The following EBF4 variants were observed in gnomAD, a reference collection of about 807,000 sequenced individuals.
The protein encoded by EBF4 is EBF transcription factor 4.
A neutral mutation model predicts 67.1 loss-of-function variants in EBF4; 34 were observed. The observed-to-expected ratio is 0.51, with a 90% CI of 0.39 to 0.67. The LOEUF (loss-of-function observed/expected upper bound fraction) is 0.67. Among genes scored for constraint, EBF4 ranks in the 30% least tolerant of loss-of-function variants. EBF4 has a pLI of 0.00. For synonymous variants in EBF4, 387 were observed against 377.7 expected (o/e 1.02, Z -0.29); for missense variants, 837 against 873.3 (o/e 0.96, Z 0.52).
intron 1 of EBF4, among the ~76,000 whole-genome samples, chr20:2,703,809 G>A (rs1474170679): frequency 1.3e-5 from 2 of 152,190 alleles, no homozygotes; most frequent in Non-Finnish European, 2.9e-5. Context: ...TAAGGGAGCA[G>A]ACTAGCCTGG....
At chr20:2,709,551 C>G in intron 5 of EBF4, 23 bp from the exon 6 acceptor site, 1 of 1,543,500 alleles carries the variant, frequency 6.5e-7, no homozygotes, top group South Asian at 1.2e-5. Flanking sequence ...TCTGCCTTCC[C>G]TCCTTCCTCA....
chr20:2,721,977 A>G (rs1332199752), intron 6 of EBF4, among the ~76,000 whole-genome samples: 1 of 151,926 alleles, frequency 6.6e-6, no homozygotes, highest in Non-Finnish European at 1.5e-5. Context: ...ATATTTTTGT[A>G]TTTCTGTAAA....
At chr20:2,744,020 G>T (rs2088007842) in intron 6 of EBF4, among the ~76,000 whole-genome samples, 2 of 151,676 alleles carry the variant, frequency 1.3e-5, no homozygotes, top group African/African-American at 2.4e-5. Context: ...ACCCTTCCCA[G>T]TCTTTATTAT....
chr20:2,755,754 C>T lies in EBF4; in HGVS notation c.1668C>T (p.Phe556=), dbSNP rs775128339. The T allele has an allele frequency of 1.7e-5, 26 of 1,550,772 alleles. No homozygotes were observed. Among genetic ancestry groups the T allele is most frequent in the African/African-American group, 4.1e-5 (3 of 73,128 alleles). The change falls in exon 15 of 17, where the codon TTC becomes TTT. Residue 556 remains phenylalanine, a synonymous_variant. Transcript: ENST00000609451. This position sits in a 1 kb window ranked among gnomAD's most constrained non-coding sequence, Gnocchi z 4.7. The stretch of plus-strand genomic sequence containing the variant: ...CCGCCGTCAAACAGAGGAGCGCCTT[C>T]GCCCCCGTGCTGCGCCCCCCAAGCT...
intron 6 of EBF4, among the ~76,000 whole-genome samples, chr20:2,731,641 C>T (rs1198825900): frequency 4.6e-5 from 7 of 152,202 alleles, no homozygotes; most frequent in Admixed American, 4.6e-4. Flanking sequence ...GCATTCTCTG[C>T]TGCGGACATC....
At position 2,756,495 on chromosome 20, in the gene EBF4, G is replaced by T. The variant is rs2088245469; in HGVS notation, c.1738+671G>T. Among the ~76,000 whole-genome samples the T allele has an allele frequency of 6.6e-6, 1 of 152,238 alleles. No homozygotes were observed. Among genetic ancestry groups the T allele is most frequent in the Non-Finnish European group, 1.5e-5 (1 of 68,038 alleles). ...GGAGGAGGCAACAGGATGTGGGTGG[G>T]GCAGAACAGGTCCTTGTTGATGGGG... is the stretch of plus-strand genomic sequence containing the variant. On this transcript the variant is annotated intron_variant, in intron 15 of 16. Transcript: ENST00000609451. This position sits in a 1 kb window ranked among gnomAD's most constrained non-coding sequence, Gnocchi z 4.5.
rs144649288 is a variant in EBF4 at position 2,729,644 on chromosome 20, C to T, written c.558-18905C>T. On this transcript the variant is annotated intron_variant, in intron 6 of 16. Coordinates refer to ENST00000609451, the Ensembl canonical transcript of EBF4. ...TTTCACCCTAGAGAGAGATGATGAGCTCAAGGACAGTCTATGACCGGGTAG... is the reference window on the plus strand; with the variant it reads ...TTTCACCCTAGAGAGAGATGATGAGTTCAAGGACAGTCTATGACCGGGTAG... 4.4e-3 allele frequency among the ~76,000 whole-genome samples: 668 copies of T among 152,252 alleles called. 6 individuals are homozygous for T. The highest frequency in any genetic ancestry group is 0.017 in the Middle Eastern group (5 of 294).
At chr20:2,708,308 A>G (rs2087488670) in intron 5 of EBF4, among the ~76,000 whole-genome samples, 2 of 152,208 alleles carry the variant, frequency 1.3e-5, no homozygotes, top group African/African-American at 4.8e-5. Flanking sequence ...AATAAAGCTC[A>G]GGGGAGGGCT....
At chr20:2,748,417 G>A (rs1309587252) in intron 6 of EBF4, 132 bp from the exon 7 acceptor site, 6 of 795,932 alleles carry the variant, frequency 7.5e-6, no homozygotes, top group East Asian at 5.4e-5. Flanking sequence ...ATGGGAATAT[G>A]GGATGTGTGC....
At chr20:2,728,826 C>T (rs1037967976) in intron 6 of EBF4, among the ~76,000 whole-genome samples, 1 of 151,800 alleles carries the variant, frequency 6.6e-6, no homozygotes, top group Non-Finnish European at 1.5e-5. Flanking sequence ...GTCCTGGAAA[C>T]CTTTAGCTAA....
At chr20:2,723,338 A>AT (rs377723601) in intron 6 of EBF4, among the ~76,000 whole-genome samples, 1,615 of 147,488 alleles carry the variant, frequency 0.011, 27 homozygotes, top group African/African-American at 0.039. Context: ...TTTGTCTTTT[A>AT]TTTATTTTTA....
chr20:2,703,732 C>T (rs530669289), intron 1 of EBF4, among the ~76,000 whole-genome samples: 3 of 147,000 alleles, frequency 2.0e-5, no homozygotes, highest in Non-Finnish European at 4.5e-5. Context: ...AAAAAAAAAC[C>T]GACTCCAAAA....
At position 2,719,344 on chromosome 20, in the gene EBF4, G is replaced by A. The variant is rs533482128; in HGVS notation, c.557+9702G>A. Among the ~76,000 whole-genome samples, 7 of 152,214 alleles carry A rather than the reference G, an allele frequency of 4.6e-5. No individual in the cohort carries two copies. The East Asian group carries it at 9.6e-4, about 21-fold the overall frequency. Reference sequence around the variant, plus strand: ...AGCTGGAGTGCAGTGGCGCAATCTCGGCTCACTGCAACCTCCACCTCCCAG... The same window carrying A: ...AGCTGGAGTGCAGTGGCGCAATCTCAGCTCACTGCAACCTCCACCTCCCAG... On this transcript the variant is annotated intron_variant, in intron 6 of 16. Coordinates refer to ENST00000609451, the Ensembl canonical transcript of EBF4.
intron 6 of EBF4, 106 bp downstream of exon 6, chr20:2,709,748 C>A (rs915900889): frequency 5.1e-6 from 6 of 1,174,774 alleles, no homozygotes; most frequent in East Asian, 3.0e-5. Flanking sequence ...GAGCAGCCCC[C>A]CCGGGGCACC....
At chr20:2,725,921 G>A (rs1347463106) in intron 6 of EBF4, among the ~76,000 whole-genome samples, 3 of 152,052 alleles carry the variant, frequency 2.0e-5, no homozygotes, top group South Asian at 2.1e-4. Context: ...AGTATCTTTG[G>A]CAATTTCCCT....
At chr20:2,729,162 G>A (rs548865841) in intron 6 of EBF4, among the ~76,000 whole-genome samples, 2 of 151,598 alleles carry the variant, frequency 1.3e-5, no homozygotes, top group South Asian at 2.1e-4. Context: ...GCTGAGAATG[G>A]GTTCAATGGG....
At chr20:2,743,088 G>A (rs537322134) in intron 6 of EBF4, among the ~76,000 whole-genome samples, 2 of 152,146 alleles carry the variant, frequency 1.3e-5, no homozygotes, top group Non-Finnish European at 2.9e-5. Flanking sequence ...TCTGGCCTCT[G>A]TGCAGACATG....
intron 6 of EBF4, among the ~76,000 whole-genome samples, chr20:2,734,067 C>T (rs1039150126): frequency 3.3e-5 from 5 of 152,026 alleles, no homozygotes; most frequent in Non-Finnish European, 5.9e-5. Context: ...ATTTTTTAGA[C>T]ATAGTTTCCT....
At chr20:2,724,626 C>T (rs1166428984) in intron 6 of EBF4, among the ~76,000 whole-genome samples, 1 of 152,154 alleles carries the variant, frequency 6.6e-6, no homozygotes, top group Non-Finnish European at 1.5e-5. Context: ...TCCAGCATGC[C>T]AGGCATGATG....
Sources: gnomAD v4.1 joint callset for allele counts (sites outside exome capture counted in the v4.1 genomes callset) on GRCh38, gnomAD v4.1.1 for gene constraint, Gnocchi (gnomAD v3.1) non-coding constraint, MANE v1.5 for transcripts, NCBI Gene and HGNC (gene_info 2026-07-23, HGNC 2026-07-21) for gene names.